Variants in RARB observed in about 807,000 individuals in gnomAD.
RARB encodes HBV-activated protein.
In RARB, 17 loss-of-function variants were observed where a neutral mutation model predicts 51.9. The observed-to-expected ratio is 0.33, with a 90% confidence interval of 0.22 to 0.49. The LOEUF is 0.49. Among genes scored for constraint, RARB ranks in the 20% least tolerant of loss-of-function variants. RARB has a pLI of 0.99. For synonymous variants in RARB, 215 were observed against 195.4 expected (o/e 1.10, Z -0.84); for missense variants, 369 against 550.8 (o/e 0.67, Z 3.30).
chr3:24,956,179 G>C (rs1470554751), intron 2 of RARB, among the ~76,000 whole-genome samples: 1 of 152,110 alleles, frequency 6.6e-6, no homozygotes, highest in East Asian at 1.9e-4. Flanking sequence ...TACATTTTGG[G>C]TAATCATTTT....
intron 5 of RARB, among the ~76,000 whole-genome samples, chr3:25,317,501 G>A (rs1559355189): frequency 6.6e-6 from 1 of 152,054 alleles, no homozygotes; most frequent in Non-Finnish European, 1.5e-5. Flanking sequence ...TCATTTCATG[G>A]TCAAATCTCA....
chr3:25,098,876 C>T (rs1183080813), intron 3 of RARB, among the ~76,000 whole-genome samples: 1 of 152,186 alleles, frequency 6.6e-6, no homozygotes, highest in Non-Finnish European at 1.5e-5. Context: ...CCCCTTACCC[C>T]TGCAAAATGT....
At chr3:25,087,078 G>A (rs1403424319) in intron 3 of RARB, among the ~76,000 whole-genome samples, 4 of 152,038 alleles carry the variant, frequency 2.6e-5, no homozygotes, top group Non-Finnish European at 1.5e-5. Flanking sequence ...AATATAATTC[G>A]ATTTTTTTCA....
chr3:25,069,176 C>T (rs985430736), intron 3 of RARB, among the ~76,000 whole-genome samples: 4 of 152,038 alleles, frequency 2.6e-5, no homozygotes, highest in Non-Finnish European at 5.9e-5. Flanking sequence ...AAGAAGAAAG[C>T]AAGCAATTAG....
At chr3:25,117,037 C>CTGGCTGGT (rs1699699847) in intron 3 of RARB, among the ~76,000 whole-genome samples, 1 of 152,124 alleles carries the variant, frequency 6.6e-6, no homozygotes, top group Non-Finnish European at 1.5e-5. Flanking sequence ...CAGAAATCAT[C>CTGGCTGGT]CTTTCTGATG....
At chr3:25,340,233 G>T (rs547852562) in intron 5 of RARB, among the ~76,000 whole-genome samples, 4 of 152,050 alleles carry the variant, frequency 2.6e-5, no homozygotes, top group Admixed American at 1.3e-4. Context: ...AAAAAAACAG[G>T]TGACTTTATT....
At chr3:25,016,912 C>A (rs1697521533) in intron 2 of RARB, among the ~76,000 whole-genome samples, 1 of 152,250 alleles carries the variant, frequency 6.6e-6, no homozygotes, top group East Asian at 1.9e-4. Flanking sequence ...CCTCTAACAT[C>A]TGGGTTCTGA....
At position 24,992,042 on chromosome 3, in the gene RARB, C is replaced by T. The variant is rs62228468; in HGVS notation, c.-379-68083C>T. On this transcript the variant is annotated intron_variant, in intron 2 of 11. Coordinates refer to the RARB transcript ENST00000383772. ...TTGGCTCTCCTTATACCAGGGCACT[C>T]CCCACGTGGGCCCTTGCAACTCCAG... Among the ~76,000 whole-genome samples the T allele has an allele frequency of 6.8e-3, 1,038 of 152,244 alleles. 8 individuals are homozygous for T. The highest frequency in any genetic ancestry group is 0.017 in the Middle Eastern group (5 of 294).
chr3:25,543,357 C>T (rs1047555451), intron 3 of RARB, among the ~76,000 whole-genome samples: 1 of 152,110 alleles, frequency 6.6e-6, no homozygotes. Context: ...AAAGGCACCT[C>T]GCTCCCCCCA....
Position 25,561,472 on chromosome 3 carries a change from C to T in RARB, c.449-8286C>T, listed in dbSNP as rs932908269. Among the ~76,000 whole-genome samples the T allele has an allele frequency of 5.9e-5, 9 of 151,898 alleles. 1 individual carries two copies. The highest frequency in any genetic ancestry group is 1.9e-4 in the African/African-American group (8 of 41,350). ...ACTGTTCACAGCACCATGGATCAGT[C>T]GGGTTGTACTTCTGGGTTCACTGGG... On this transcript the variant is annotated intron_variant, in intron 3 of 7. Coordinates refer to ENST00000330688, the MANE Select transcript of RARB (RefSeq NM_000965.5).
rs563244918 is a variant in RARB at position 25,179,959 on chromosome 3, G to A, written c.178+5384G>A. ...TAATCCTTAGAAGAGTTCTAATGAG[G>A]AGCTGAGCTCATTCTGTTTTTTGAT... On this transcript the variant is annotated intron_variant, in intron 5 of 11. Coordinates refer to the RARB transcript ENST00000383772. 4.6e-5 allele frequency among the ~76,000 whole-genome samples: 7 copies of A among 152,296 alleles called. No homozygotes were observed. In the East Asian group the frequency reaches 5.8e-4, roughly 13 times the overall value.
intron 3 of RARB, among the ~76,000 whole-genome samples, chr3:25,108,101 T>A (rs957685053): frequency 6.6e-6 from 1 of 152,178 alleles, no homozygotes; most frequent in Non-Finnish European, 1.5e-5. Flanking sequence ...ACAGCATGGA[T>A]ACACTGGACA....
intron 2 of RARB, among the ~76,000 whole-genome samples, chr3:25,028,256 T>C (rs1180642874): frequency 6.6e-6 from 1 of 152,212 alleles, no homozygotes; most frequent in East Asian, 1.9e-4. Flanking sequence ...GCCCTGTCAT[T>C]TGTCTTAACA....
intron 3 of RARB, among the ~76,000 whole-genome samples, chr3:25,562,244 T>C (rs1049159771): frequency 1.3e-5 from 2 of 152,198 alleles, no homozygotes; most frequent in African/African-American, 4.8e-5. Context: ...CCTTTTTTTT[T>C]TTTCTAGATC....
intron 1 of RARB, among the ~76,000 whole-genome samples, chr3:25,447,370 T>G (rs1708993986): frequency 6.6e-6 from 1 of 152,248 alleles, no homozygotes; most frequent in Non-Finnish European, 1.5e-5. Flanking sequence ...CATCAGATCC[T>G]TTTTCTAGCT....
intron 3 of RARB, among the ~76,000 whole-genome samples, chr3:25,091,466 T>C (rs1699197654): frequency 6.6e-6 from 1 of 152,200 alleles, no homozygotes; most frequent in Admixed American, 6.6e-5. Flanking sequence ...GCTTCTGAAC[T>C]AAACTTTACA....
At chr3:25,057,421 C>T (rs562264010) in intron 2 of RARB, among the ~76,000 whole-genome samples, 51 of 152,124 alleles carry the variant, frequency 3.4e-4, no homozygotes, top group African/African-American at 1.1e-3. Context: ...AAACAAAATA[C>T]TTGTCCTTGA....
intron 2 of RARB, among the ~76,000 whole-genome samples, chr3:24,912,492 G>T (rs1402853700): frequency 1.3e-5 from 2 of 152,114 alleles, no homozygotes; most frequent in South Asian, 2.1e-4. Flanking sequence ...GATGAATTGG[G>T]TTTAGTACGG....
At chr3:25,521,340 C>T (rs187193305) in intron 3 of RARB, among the ~76,000 whole-genome samples, 5 of 152,224 alleles carry the variant, frequency 3.3e-5, no homozygotes, top group Admixed American at 2.0e-4. Context: ...TATACAAAAC[C>T]GGGGGTGCCG....
Sources: gnomAD v4.1 joint callset for allele counts (sites outside exome capture counted in the v4.1 genomes callset) on GRCh38, gnomAD v4.1.1 for gene constraint, MANE v1.5 for transcripts, NCBI Gene and HGNC (gene_info 2026-07-23, HGNC 2026-07-21) for gene names.